Variants in SHROOM3 observed in about 807,000 individuals in gnomAD.
SHROOM3 encodes protein Shroom3.
SHROOM3 carries 47 observed loss-of-function variants against 138.6 expected under a neutral mutation model. That is an observed-to-expected ratio of 0.34 (90% CI 0.27 to 0.43). The LOEUF is 0.43. Among genes scored for constraint, SHROOM3 ranks in the 20% least tolerant of loss-of-function variants. The pLI is 1.00. For missense variants in SHROOM3, 2,491 were observed against 2,596.5 expected (o/e 0.96, Z 0.88); for synonymous variants, 1,062 against 1,063.3 (o/e 1.00, Z 0.02).
chr4:76,451,933 T>C (rs1730934875), intron 1 of SHROOM3, among the ~76,000 whole-genome samples: 1 of 152,174 alleles, frequency 6.6e-6, no homozygotes, highest in Non-Finnish European at 1.5e-5. Context: ...CCTCGAACTC[T>C]TGGGCTCAAG....
chr4:76,600,672 T>C (rs537256983), intron 2 of SHROOM3, among the ~76,000 whole-genome samples: 2 of 152,232 alleles, frequency 1.3e-5, no homozygotes, highest in Admixed American at 6.5e-5. Context: ...ATGTTCCTGA[T>C]GGTGCTGCCA....
chr4:76,444,077 C>T (rs1198138354), intron 1 of SHROOM3, among the ~76,000 whole-genome samples: 2 of 151,902 alleles, frequency 1.3e-5, no homozygotes, highest in East Asian at 1.9e-4. Flanking sequence ...GTGGACACCA[C>T]CACACCCGGC....
chr4:76,493,379 G>A (rs975375214), intron 1 of SHROOM3, among the ~76,000 whole-genome samples: 1 of 152,072 alleles, frequency 6.6e-6, no homozygotes, highest in Non-Finnish European at 1.5e-5. Flanking sequence ...ATTTAGCTGG[G>A]AGTCCTGTAT....
At chr4:76,618,800 G>T (rs1005360417) in intron 2 of SHROOM3, among the ~76,000 whole-genome samples, 1 of 152,142 alleles carries the variant, frequency 6.6e-6, no homozygotes, top group Admixed American at 6.5e-5. Flanking sequence ...ACTCAATAAT[G>T]TCCTTTATAG....
intron 3 of SHROOM3, among the ~76,000 whole-genome samples, chr4:76,720,157 T>TAGG (rs1220735370): frequency 1.2e-5 from 1 of 80,452 alleles, no homozygotes; most frequent in Non-Finnish European, 2.3e-5. Flanking sequence ...TTAGGTTTTT[T>TAGG]TTTTTTTTTT....
chr4:76,515,060 C>T (rs576332535), intron 1 of SHROOM3, among the ~76,000 whole-genome samples: 26 of 152,002 alleles, frequency 1.7e-4, no homozygotes, highest in African/African-American at 5.8e-4. Context: ...ACTACAAATA[C>T]AAAAATTAGC....
At chr4:76,635,184 G>A (rs1385528862) in intron 2 of SHROOM3, among the ~76,000 whole-genome samples, 1 of 152,150 alleles carries the variant, frequency 6.6e-6, no homozygotes, top group African/African-American at 2.4e-5. Context: ...AAAGGTAGAG[G>A]AAGACCCTCA....
At chr4:76,662,670 T>C (rs1718560610) in intron 2 of SHROOM3, among the ~76,000 whole-genome samples, 1 of 152,204 alleles carries the variant, frequency 6.6e-6, no homozygotes, top group Non-Finnish European at 1.5e-5. Flanking sequence ...AAAATCAGGA[T>C]CACTTTTCAT....
intron 2 of SHROOM3, among the ~76,000 whole-genome samples, chr4:76,593,370 A>G (rs981099091): frequency 6.6e-6 from 1 of 152,212 alleles, no homozygotes; most frequent in East Asian, 1.9e-4. Flanking sequence ...AGATCATGTA[A>G]TTAATGACCC....
intron 1 of SHROOM3, among the ~76,000 whole-genome samples, chr4:76,438,520 C>T (rs536559001): frequency 5.1e-4 from 77 of 152,244 alleles, no homozygotes; most frequent in Non-Finnish European, 8.1e-4. Context: ...TTCCAAGAGT[C>T]GTACTGTTCC....
chr4:76,751,020 A>G, intron 6 of SHROOM3, among the ~76,000 whole-genome samples: 1 of 152,210 alleles, frequency 6.6e-6, no homozygotes, highest in East Asian at 1.9e-4. Context: ...AAGCATAGGC[A>G]TGGAAAGTGC....
chr4:76,450,003 G>A (rs1390143407), intron 1 of SHROOM3, among the ~76,000 whole-genome samples: 1 of 152,146 alleles, frequency 6.6e-6, no homozygotes, highest in Non-Finnish European at 1.5e-5. Context: ...GTGTGTGTGA[G>A]CACAGGGAGG....
At chr4:76,441,012 T>TA (rs939929220) in intron 1 of SHROOM3, among the ~76,000 whole-genome samples, 8 of 151,830 alleles carry the variant, frequency 5.3e-5, no homozygotes, top group Non-Finnish European at 1.2e-4. Flanking sequence ...TTCCATTCTT[T>TA]ATCTATGGAG....
chr4:76,435,799 G>C lies in SHROOM3; in HGVS notation c.-254G>C. Reference sequence around the variant, plus strand: ...CGGAGTAGAGATGTATACCACTTGGGGGCTTCAGTGAGAACCCAGAATTCC... The same window carrying C: ...CGGAGTAGAGATGTATACCACTTGGCGGCTTCAGTGAGAACCCAGAATTCC... On this transcript the variant is annotated 5_prime_UTR_variant, in exon 1 of 11. Coordinates refer to ENST00000296043, the MANE Select transcript of SHROOM3 (RefSeq NM_020859.4). 1 of 461,200 alleles carries C rather than the reference G, an allele frequency of 2.2e-6. No homozygotes were observed. The highest frequency in any genetic ancestry group is 3.9e-6 in the Non-Finnish European group (1 of 257,258). The allele number at this position is 461,200 out of a possible 1,614,324, so 28.6% of individuals were successfully genotyped here.
intron 2 of SHROOM3, among the ~76,000 whole-genome samples, chr4:76,686,344 A>G (rs1719338276): frequency 6.6e-6 from 1 of 152,204 alleles, no homozygotes; most frequent in South Asian, 2.1e-4. Context: ...TTTAAAGTAT[A>G]ACATATGTTA....
chr4:76,598,242 G>T (rs1255075891), intron 2 of SHROOM3, among the ~76,000 whole-genome samples: 1 of 151,902 alleles, frequency 6.6e-6, no homozygotes, highest in East Asian at 1.9e-4. Context: ...TAGCCAGGAT[G>T]GTCTCGATCT....
At chr4:76,614,428 T>C (rs946855054) in intron 2 of SHROOM3, among the ~76,000 whole-genome samples, 3 of 152,184 alleles carry the variant, frequency 2.0e-5, no homozygotes, top group African/African-American at 7.2e-5. Context: ...GTGCCCCATC[T>C]AAAGGAGTCA....
At position 76,592,986 on chromosome 4, in the gene SHROOM3, G is replaced by T. The variant is rs1734305397; in HGVS notation, c.323+37223G>T. Among the ~76,000 whole-genome samples the T allele has an allele frequency of 1.3e-5, 2 of 152,138 alleles. 1 individual carries two copies. Among genetic ancestry groups the T allele is most frequent in the South Asian group, 4.1e-4 (2 of 4,830 alleles). On this transcript the variant is annotated intron_variant, in intron 2 of 10. Transcript: ENST00000296043. ...ACACCCCTTTGAATGTCTAGATTAT[G>T]CTGATCTCCTTTGAACCTGAGGGAC... is the stretch of plus-strand genomic sequence containing the variant.
chr4:76,605,331 T>C (rs1441994329), intron 2 of SHROOM3, among the ~76,000 whole-genome samples: 1 of 152,148 alleles, frequency 6.6e-6, no homozygotes, highest in African/African-American at 2.4e-5. Flanking sequence ...CGGAAGAGGA[T>C]TTCGAGGCAC....
Sources: gnomAD v4.1 joint callset for allele counts (sites outside exome capture counted in the v4.1 genomes callset) on GRCh38, gnomAD v4.1.1 for gene constraint, MANE v1.5 for transcripts, NCBI Gene and HGNC (gene_info 2026-07-23, HGNC 2026-07-21) for gene names.